SATL1: variants seen among roughly 807,000 people sequenced by gnomAD.
SATL1 encodes spermidine/spermine N1-acetyl transferase like 1.
A neutral mutation model predicts 51.8 loss-of-function variants in SATL1; 47 were observed. That is an observed-to-expected ratio of 0.91 (90% CI 0.72 to 1.16). The LOEUF (loss-of-function observed/expected upper bound fraction) is 1.16, where lower values mean the gene tolerates loss of function less well. Ranked by LOEUF, SATL1 falls within the 50% of genes most tolerant of loss-of-function variation. SATL1 has a pLI of 0.00. For missense variants in SATL1, 520 were observed against 526.4 expected (o/e 0.99, Z 0.12); for synonymous variants, 176 against 182.4 (o/e 0.97, Z 0.28).
intron 2 of SATL1, among the ~76,000 whole-genome samples, chrX:85,192,831 C>A (rs1311648625): frequency 8.9e-6 from 1 of 111,773 alleles, no homozygotes; most frequent in Non-Finnish European, 1.9e-5. Flanking sequence ...TATCAAAAAT[C>A]ATACATTATT....
chrX:85,127,065 A>G (rs1925647162), intron 2 of SATL1, among the ~76,000 whole-genome samples: 2 of 111,698 alleles, frequency 1.8e-5, no homozygotes, highest in South Asian at 7.5e-4. Context: ...GAATAAAATT[A>G]AACAGTTAAA....
chrX:85,205,627 C>T (rs1927777973), intron 2 of SATL1, among the ~76,000 whole-genome samples: 1 of 111,711 alleles, frequency 9.0e-6, no homozygotes. Flanking sequence ...AAAAAATGGG[C>T]TTGATGTTTT....
chrX:85,149,518 TCAA>T (rs1352165683), intron 2 of SATL1, among the ~76,000 whole-genome samples: 2 of 111,753 alleles, frequency 1.8e-5, no homozygotes, highest in Non-Finnish European at 3.8e-5. Flanking sequence ...ATACATTTTT[TCAA>T]CAACACACCA....
At chrX:85,179,746 A>G (rs779941622) in intron 2 of SATL1, among the ~76,000 whole-genome samples, 1 of 110,651 alleles carries the variant, frequency 9.0e-6, no homozygotes, top group South Asian at 3.8e-4. Context: ...TGCCCTGCAT[A>G]GTCTTACTAC....
chrX:85,132,505 C>A (rs1383481695), intron 2 of SATL1, among the ~76,000 whole-genome samples: 1 of 111,826 alleles, frequency 8.9e-6, no homozygotes, highest in East Asian at 2.8e-4. Flanking sequence ...TCCATCAGGT[C>A]ATTTAAGGTC....
Position 85,109,006 on chromosome X carries a change from T to C in SATL1, c.-38A>G, listed in dbSNP as rs1384356081. 1 of 1,122,363 alleles carries C rather than the reference T, an allele frequency of 8.9e-7. No homozygotes were observed. The highest frequency in any genetic ancestry group is 1.2e-6 in the Non-Finnish European group (1 of 832,913). 92.5% of individuals were successfully genotyped at this position (1,122,363 alleles called of 1,213,427 possible). A position where few individuals can be genotyped will look rare whatever the true frequency, so the allele number is the denominator to read the frequency against. On this transcript the variant is annotated 5_prime_UTR_variant, in exon 3 of 8. Transcript: ENST00000644105. Reference sequence around the variant, plus strand: ...CCTGCTTTGTTGACTAAGGATGGGGTGGCAGATGATGGGTTGGCAGACAAC... The same window carrying C: ...CCTGCTTTGTTGACTAAGGATGGGGCGGCAGATGATGGGTTGGCAGACAAC...
chrX:85,104,006 A>G, intron 3 of SATL1, 91 bp from the exon 4 acceptor site: 2 of 657,377 alleles, frequency 3.0e-6, no homozygotes, highest in Non-Finnish European at 4.8e-6. Flanking sequence ...ACATTTATTG[A>G]CATGTGACGT....
chrX:85,102,100 T>C (rs1240091877), intron 4 of SATL1, among the ~76,000 whole-genome samples: 1 of 108,524 alleles, frequency 9.2e-6, no homozygotes, highest in Non-Finnish European at 1.9e-5. Flanking sequence ...CTTATTATTA[T>C]ACTTTAAGTT....
chrX:85,168,349 C>T (rs1926892826), intron 2 of SATL1, among the ~76,000 whole-genome samples: 1 of 111,546 alleles, frequency 9.0e-6, no homozygotes. Context: ...TCCCTGTTTG[C>T]ACACGACATG....
At chrX:85,240,814 C>T (rs1928576949) in intron 1 of SATL1, among the ~76,000 whole-genome samples, 2 of 105,492 alleles carry the variant, frequency 1.9e-5, no homozygotes, top group South Asian at 4.3e-4. Flanking sequence ...TTAATAGAGA[C>T]GGGGTTTCAC....
At chrX:85,218,729 A>AT (rs1241366230) in intron 2 of SATL1, among the ~76,000 whole-genome samples, 4 of 111,861 alleles carry the variant, frequency 3.6e-5, no homozygotes, top group East Asian at 2.8e-4. Flanking sequence ...CTATAGTATG[A>AT]TAAAAAAAAG....
chrX:85,183,937 C>G (rs771303184), intron 2 of SATL1, among the ~76,000 whole-genome samples: 11 of 111,057 alleles, frequency 9.9e-5, no homozygotes, highest in Non-Finnish European at 1.9e-4. Flanking sequence ...TCTTTCCCCA[C>G]CCCACTACCT....
At chrX:85,158,457 G>T (rs758014646) in intron 2 of SATL1, among the ~76,000 whole-genome samples, 5 of 111,784 alleles carry the variant, frequency 4.5e-5, no homozygotes, top group Non-Finnish European at 9.4e-5. Context: ...CATGTGAAAA[G>T]AATTCACTGT....
chrX:85,213,419 A>T (rs140684503), intron 2 of SATL1, among the ~76,000 whole-genome samples: 9,713 of 111,650 alleles, frequency 0.087, 439 homozygotes, highest in Non-Finnish European at 0.13. Flanking sequence ...TCAATCAGAG[A>T]AAACAGCAAA....
At chrX:85,094,365 A>G (rs1924628226) in intron 5 of SATL1, 136 bp from the exon 6 acceptor site, 1 of 440,048 alleles carries the variant, frequency 2.3e-6, no homozygotes, top group African/African-American at 2.5e-5. Context: ...AACAATACAA[A>G]AACATATAGT....
At chrX:85,139,329 C>G (rs915454404) in intron 2 of SATL1, among the ~76,000 whole-genome samples, 24 of 111,520 alleles carry the variant, frequency 2.2e-4, no homozygotes, top group Admixed American at 2.1e-3. Context: ...GGGTACATAT[C>G]TATACACAAC....
intron 2 of SATL1, among the ~76,000 whole-genome samples, chrX:85,203,524 A>G (rs1371643419): frequency 9.0e-6 from 1 of 110,997 alleles, no homozygotes; most frequent in Non-Finnish European, 1.9e-5. Context: ...GTACCATCCC[A>G]GGGAGAATTC....
chrX:85,218,756 T>C (rs1928108587), intron 2 of SATL1, among the ~76,000 whole-genome samples: 1 of 112,083 alleles, frequency 8.9e-6, no homozygotes, highest in Admixed American at 9.5e-5. Flanking sequence ...TTGCTTTTCT[T>C]ATGTAAATTT....
intron 2 of SATL1, among the ~76,000 whole-genome samples, chrX:85,223,314 G>C (rs1200943727): frequency 9.0e-6 from 1 of 111,207 alleles, no homozygotes; most frequent in African/African-American, 3.3e-5. Flanking sequence ...GGTAGTGTTG[G>C]GTAAGTGCCT....
Sources: allele counts gnomAD v4.1 joint callset (sites outside exome capture counted in the v4.1 genomes callset), GRCh38; gene constraint gnomAD v4.1.1; transcripts MANE v1.5; gene names NCBI Gene and HGNC (gene_info 2026-07-23, HGNC 2026-07-21).